The following FBXO10 variants were observed in gnomAD, a reference collection of about 807,000 sequenced individuals.
The protein encoded by FBXO10 is F-box protein 10.
FBXO10 carries 39 observed loss-of-function variants against 80.7 expected under a neutral mutation model. That is an observed-to-expected ratio of 0.48 (90% confidence interval 0.37 to 0.63). The LOEUF is 0.63. Ranked by LOEUF, FBXO10 falls within the 30% of genes least tolerant of loss-of-function variation. The pLI, the probability that FBXO10 is intolerant of heterozygous loss-of-function variation, is 0.00. For synonymous variants in FBXO10, 449 were observed against 489.6 expected (o/e 0.92, Z 1.09); for missense variants, 1,025 against 1,269.0 (o/e 0.81, Z 2.92).
At chr9:37,575,329 A>G (rs757415701) in intron 1 of FBXO10, among the ~76,000 whole-genome samples, 3 of 152,240 alleles carry the variant, frequency 2.0e-5, no homozygotes, top group Non-Finnish European at 2.9e-5. Flanking sequence ...TTACAAACCA[A>G]AACGGCAGTT....
chr9:37,526,821 T>C (rs930794991), intron 5 of FBXO10, among the ~76,000 whole-genome samples: 2 of 139,750 alleles, frequency 1.4e-5, no homozygotes, highest in Admixed American at 7.3e-5. Flanking sequence ...TTTTAAAATA[T>C]TTTATTTATT....
intron 1 of FBXO10, among the ~76,000 whole-genome samples, chr9:37,567,704 AT>A (rs1249827958): frequency 6.6e-6 from 1 of 151,786 alleles, no homozygotes; most frequent in Non-Finnish European, 1.5e-5. Context: ...TAATTTTTGC[AT>A]TTTTAGTAGA....
At chr9:37,556,222 T>G (rs1822330649) in intron 1 of FBXO10, among the ~76,000 whole-genome samples, 1 of 152,228 alleles carries the variant, frequency 6.6e-6, no homozygotes, top group Non-Finnish European at 1.5e-5. Flanking sequence ...CACCACATTT[T>G]TGACACTTTT....
chr9:37,516,152 G>A, intron 9 of FBXO10, 67 bp from the exon 10 acceptor site: 1 of 1,521,048 alleles, frequency 6.6e-7, no homozygotes, highest in Non-Finnish European at 8.9e-7. Flanking sequence ...AGCTGGGCAA[G>A]TGAATTATCA....
In FBXO10 at chr9:37,529,625, C is replaced by G. The variant is rs549774795; in HGVS notation, c.1570-365G>C. 9.2e-5 allele frequency among the ~76,000 whole-genome samples: 14 copies of G among 152,332 alleles called. No homozygotes were observed. The South Asian group carries it at 1.9e-3, about 20-fold the overall frequency. ...AACTTCTAGGGTCCAGGGAGGCCAT[C>G]TCTTGAGGAAAGGCAGCACCCCAGT... On this transcript the variant is annotated intron_variant, in intron 4 of 10. Coordinates refer to ENST00000432825, the MANE Select transcript of FBXO10 (RefSeq NM_012166.3).
At chr9:37,569,005 A>T (rs1822678755) in intron 1 of FBXO10, among the ~76,000 whole-genome samples, 1 of 152,208 alleles carries the variant, frequency 6.6e-6, no homozygotes, top group African/African-American at 2.4e-5. Flanking sequence ...AGGCAGACCT[A>T]AACAAAAATA....
intron 1 of FBXO10, among the ~76,000 whole-genome samples, chr9:37,574,313 TGC>T: frequency 6.6e-6 from 1 of 152,240 alleles, no homozygotes; most frequent in Admixed American, 6.5e-5. Flanking sequence ...ATAGTGTAAC[TGC>T]ACTGCAACTG....
intron 1 of FBXO10, among the ~76,000 whole-genome samples, chr9:37,562,340 C>T (rs1264777447): frequency 2.0e-5 from 3 of 152,142 alleles, no homozygotes; most frequent in African/African-American, 7.2e-5. Flanking sequence ...ATGTCTTGGT[C>T]GCTCACAAAT....
intron 1 of FBXO10, among the ~76,000 whole-genome samples, chr9:37,559,220 C>T (rs1003966581): frequency 6.6e-6 from 1 of 152,228 alleles, no homozygotes; most frequent in African/African-American, 2.4e-5. Flanking sequence ...TTCCTAGCTT[C>T]ATCTCAGACC....
chr9:37,515,751 T>C (rs1309690677), intron 10 of FBXO10, 153 bp downstream of exon 10: 6 of 777,736 alleles, frequency 7.7e-6, no homozygotes, highest in East Asian at 2.5e-5. Flanking sequence ...GGGCCTGACA[T>C]AGAGCCAGGC....
intron 1 of FBXO10, among the ~76,000 whole-genome samples, chr9:37,573,097 T>A (rs1822801683): frequency 6.6e-6 from 1 of 152,090 alleles, no homozygotes; most frequent in African/African-American, 2.4e-5. Flanking sequence ...AGGCTGTCAT[T>A]CCTGAGAATC....
intron 1 of FBXO10, among the ~76,000 whole-genome samples, chr9:37,568,227 T>G (rs1440479909): frequency 6.6e-5 from 10 of 152,156 alleles, no homozygotes; most frequent in Non-Finnish European, 1.2e-4. Flanking sequence ...AGATGGAGTC[T>G]TGCTCTGTTG....
chr9:37,552,723 T>G (rs904826647), intron 1 of FBXO10, among the ~76,000 whole-genome samples: 5 of 151,732 alleles, frequency 3.3e-5, no homozygotes, highest in Non-Finnish European at 7.4e-5. Flanking sequence ...GAACAGACAT[T>G]TATTTTTCAC....
chr9:37,561,032 C>G (rs184263388), intron 1 of FBXO10, among the ~76,000 whole-genome samples: 1 of 152,054 alleles, frequency 6.6e-6, no homozygotes, highest in Non-Finnish European at 1.5e-5. Context: ...GTCCCAGCTA[C>G]TCAGGAGGCT....
chr9:37,529,145 T>C lies in FBXO10; in HGVS notation c.1685A>G (p.Tyr562Cys), dbSNP rs1335581574. ...ACACCTCACAACGGGGTTTCCGTGG[T>C]ACAGGATGTAAATGCCAGCCTCCTT... ...SNKEAGIYIL[Y>C]HGNPVVSGNH... Residue 562 changes from tyrosine (Y) to cysteine (C), a missense_variant, in exon 5 of 11, where the codon TAC becomes TGC. Around this residue, in one of 3 missense-constraint regions of FBXO10, gnomAD observed 478 missense variants for 667.8 expected, o/e 0.72. Transcript: ENST00000432825. 2 of 1,613,874 alleles carry C rather than the reference T, an allele frequency of 1.2e-6. No homozygotes were observed. The highest frequency in any genetic ancestry group is 1.7e-6 in the Non-Finnish European group (2 of 1,179,890).
In FBXO10 at chr9:37,541,215, G is replaced by A. The variant is rs368530132; in HGVS notation, c.554C>T (p.Thr185Met). 1.8e-5 allele frequency: 29 copies of A among 1,609,998 alleles called. No homozygotes were observed. Among genetic ancestry groups the A allele is most frequent in the East Asian group, 2.2e-5 (1 of 44,890 alleles). Residue 185 changes from threonine (T) to methionine (M), a missense_variant, in exon 2 of 11, where the codon ACG becomes ATG. Around this residue, in one of 3 missense-constraint regions of FBXO10, gnomAD observed 450 missense variants for 499.4 expected, o/e 0.90. Transcript: ENST00000432825. Reference protein sequence around the residue: ...STTRLCNLVFTPAWFSPIMYK... With the variant: ...STTRLCNLVFMPAWFSPIMYK... Reference sequence around the variant, plus strand: ...CATGATGGGTGAGAACCAGGCTGGCGTGAAGACGAGGTTGCACAGGCGTGT... The same window carrying A: ...CATGATGGGTGAGAACCAGGCTGGCATGAAGACGAGGTTGCACAGGCGTGT...
rs74171511 is a variant in FBXO10 at position 37,550,169 on chromosome 9, G to GTTTTTTTTTTTTTTTTT, written c.-6-8412_-6-8396dup. On this transcript the variant is annotated intron_variant, in intron 1 of 10. Coordinates refer to ENST00000432825, the MANE Select transcript of FBXO10 (RefSeq NM_012166.3). Reference sequence around the variant, plus strand: ...CAGTTTTCTTTTTTTGTCGTCTCAGGTTTTTTTTTTTTTTTTTTTTTTTTT... The same window carrying GTTTTTTTTTTTTTTTTT: ...CAGTTTTCTTTTTTTGTCGTCTCAGGTTTTTTTTTTTTTTTTTTTTTTTTTTTTTTTTTTTTTTTTTT... Among the ~76,000 whole-genome samples the GTTTTTTTTTTTTTTTTT allele has an allele frequency of 1.9e-4, 13 of 68,008 alleles. 1 individual carries two copies. Among genetic ancestry groups the GTTTTTTTTTTTTTTTTT allele is most frequent in the African/African-American group, 3.6e-4 (7 of 19,376 alleles). 44.6% of individuals were successfully genotyped at this position (68,008 alleles called of 152,430 possible).
At chr9:37,546,410 TG>T (rs1205087017) in intron 1 of FBXO10, among the ~76,000 whole-genome samples, 2 of 152,158 alleles carry the variant, frequency 1.3e-5, no homozygotes, top group Admixed American at 6.5e-5. Flanking sequence ...GGGCTGCACA[TG>T]TACAGGGCAA....
At chr9:37,563,981 C>T (rs952267231) in intron 1 of FBXO10, among the ~76,000 whole-genome samples, 2 of 152,340 alleles carry the variant, frequency 1.3e-5, no homozygotes, top group African/African-American at 4.8e-5. Context: ...CAAGGCAGCC[C>T]CTCCCATCAC....
Sources: gnomAD v4.1 joint callset for allele counts (sites outside exome capture counted in the v4.1 genomes callset) on GRCh38, gnomAD v4.1.1 for gene constraint, gnomAD v4.1.1 regional missense constraint, MANE v1.5 for transcripts, NCBI Gene and HGNC (gene_info 2026-07-23, HGNC 2026-07-21) for gene names.